The following ATP8B1 variants were observed in gnomAD, a reference collection of about 807,000 sequenced individuals.
ATP8B1 encodes the protein phospholipid-transporting ATPase IC.
A neutral mutation model predicts 149.9 loss-of-function variants in ATP8B1; 80 were observed. The ratio of observed to expected loss-of-function variants is 0.53; its 90% confidence interval spans 0.45 to 0.64. The LOEUF is 0.64. Among genes scored for constraint, ATP8B1 ranks in the 30% least tolerant of loss-of-function variants. The pLI, the probability that ATP8B1 is intolerant of heterozygous loss-of-function variation, is 0.00. For synonymous variants in ATP8B1, 536 were observed against 562.8 expected, an observed-to-expected ratio of 0.95 and a Z score of 0.67; for missense variants, 1,247 against 1,552.6, an observed-to-expected ratio of 0.80 and a Z score of 3.31.
At chr18:57,766,741 G>T (rs906442799) in intron 1 of ATP8B1, among the ~76,000 whole-genome samples, 5 of 152,170 alleles carry the variant, frequency 3.3e-5, no homozygotes, top group African/African-American at 1.2e-4. Context: ...AAGCTCTAGG[G>T]CAGGAGGAGG....
intron 1 of ATP8B1, among the ~76,000 whole-genome samples, chr18:57,745,764 C>T (rs992496332): frequency 5.3e-5 from 8 of 151,570 alleles, no homozygotes; most frequent in Non-Finnish European, 1.2e-4. Context: ...TTCAGTGATC[C>T]TCCCACCTCA....
At chr18:57,759,174 A>C (rs1485863921) in intron 1 of ATP8B1, among the ~76,000 whole-genome samples, 1 of 116,724 alleles carries the variant, frequency 8.6e-6, no homozygotes, top group African/African-American at 2.9e-5. Flanking sequence ...AAAAAAAAAA[A>C]AAAAAAAAGA....
intron 6 of ATP8B1, among the ~76,000 whole-genome samples, chr18:57,698,918 T>C (rs1018348489): frequency 2.6e-5 from 4 of 152,242 alleles, no homozygotes; most frequent in African/African-American, 9.6e-5. Context: ...ATATGGATTT[T>C]ATTAGAATGA....
At chr18:57,750,157 C>G (rs1009244950) in intron 1 of ATP8B1, among the ~76,000 whole-genome samples, 4 of 152,122 alleles carry the variant, frequency 2.6e-5, no homozygotes, top group African/African-American at 7.2e-5. Context: ...GTACAAAAAT[C>G]GCTTGAACCT....
intron 2 of ATP8B1, among the ~76,000 whole-genome samples, chr18:57,715,198 C>T (rs1200378488): frequency 4.6e-5 from 7 of 151,984 alleles, no homozygotes; most frequent in African/African-American, 9.7e-5. Flanking sequence ...GCTGAAATTC[C>T]GGAGTTGAAA....
At chr18:57,662,941 A>G (rs916194837) in intron 20 of ATP8B1, among the ~76,000 whole-genome samples, 9 of 152,064 alleles carry the variant, frequency 5.9e-5, no homozygotes, top group Admixed American at 1.3e-4. Context: ...TTTTGTAGCA[A>G]TAGGGTTTTG....
chr18:57,765,888 C>T (rs73446905), intron 1 of ATP8B1, among the ~76,000 whole-genome samples: 32,551 of 150,212 alleles, frequency 0.22, 3,650 homozygotes, highest in Middle Eastern at 0.3. Flanking sequence ...AGGAGAATCG[C>T]TCGAACCCCG....
chr18:57,732,217 G>GTGTATATATGTA (rs2079783421), intron 1 of ATP8B1, among the ~76,000 whole-genome samples: 1 of 13,564 alleles, frequency 7.4e-5, no homozygotes, highest in African/African-American at 1.5e-4. Context: ...GTATATATGT[G>GTGTATATATGTA]TATATATGTA....
At chr18:57,688,183 G>T in intron 13 of ATP8B1, 116 bp downstream of exon 13, 1 of 1,143,260 alleles carries the variant, frequency 8.7e-7, no homozygotes, top group Admixed American at 1.7e-5. Context: ...CTAGCAGCAG[G>T]ACTCTGCATC....
intron 16 of ATP8B1, among the ~76,000 whole-genome samples, chr18:57,674,633 G>T (rs1023984078): frequency 6.6e-5 from 10 of 151,978 alleles, no homozygotes; most frequent in Middle Eastern, 3.2e-3. Context: ...TGATCCACCC[G>T]CCTCGGCCTC....
At chr18:57,683,226 C>T (rs897200768) in intron 15 of ATP8B1, among the ~76,000 whole-genome samples, 19 of 152,090 alleles carry the variant, frequency 1.2e-4, no homozygotes, top group African/African-American at 4.6e-4. Context: ...TTATGTATGC[C>T]GCACTGACTG....
In ATP8B1 at chr18:57,655,394, T is replaced by C; in HGVS notation, c.2731A>G (p.Ser911Gly). ...IKTAHIGVGI[S>G]GQEGMQAVMS... The stretch of plus-strand genomic sequence containing the variant: ...ACAGCTTGCATTCCTTCTTGTCCAC[T>C]TATTCCAACGCCAATGTGGGCAGCT... Residue 911 changes from serine to glycine, a missense_variant, in exon 23 of 28, where the codon AGT becomes GGT. Coordinates refer to ENST00000648908, the MANE Select transcript of ATP8B1 (RefSeq NM_001374385.1). The C allele has an allele frequency of 6.2e-7, 1 of 1,614,222 alleles. No individual in the cohort carries two copies. The highest frequency in any genetic ancestry group is 8.5e-7 in the Non-Finnish European group (1 of 1,180,044).
At chr18:57,739,450 T>C (rs1485470664) in intron 1 of ATP8B1, among the ~76,000 whole-genome samples, 12 of 152,208 alleles carry the variant, frequency 7.9e-5, no homozygotes, top group Non-Finnish European at 1.3e-4. Flanking sequence ...TAAACATGCA[T>C]TTGCTTTCAT....
intron 12 of ATP8B1, among the ~76,000 whole-genome samples, chr18:57,689,691 G>A (rs1357877750): frequency 6.6e-6 from 1 of 152,186 alleles, no homozygotes; most frequent in Non-Finnish European, 1.5e-5. Context: ...AATAAAGAGA[G>A]GCTCTATCAG....
chr18:57,669,278 T>C, intron 18 of ATP8B1, 40 bp downstream of exon 18: 1 of 1,555,512 alleles, frequency 6.4e-7, no homozygotes, highest in Non-Finnish European at 8.7e-7. Context: ...TCAATTCTGC[T>C]TAGAATATCA....
At chr18:57,687,206 A>G (rs892666657) in intron 13 of ATP8B1, among the ~76,000 whole-genome samples, 5 of 152,176 alleles carry the variant, frequency 3.3e-5, no homozygotes, top group Admixed American at 2.6e-4. Context: ...TCATCTTGCA[A>G]AATTGAAACT....
In ATP8B1 at chr18:57,648,438, TA is replaced by T. The variant is rs764181773; in HGVS notation, c.*49del. 8.8e-6 allele frequency: 14 copies of T among 1,592,628 alleles called. No individual in the cohort carries two copies. Among genetic ancestry groups the T allele is most frequent in the Non-Finnish European group, 1.1e-5 (13 of 1,163,682 alleles). ...CACACAAAGTCCTGAGAGTCTTTCA[TA>T]AAAAAATAGACGTGCTTTGTGGCCG... On this transcript the variant is annotated 3_prime_UTR_variant, in exon 28 of 28. Transcript: ENST00000648908.
intron 15 of ATP8B1, among the ~76,000 whole-genome samples, chr18:57,675,792 A>G (rs535681101): frequency 1.3e-5 from 2 of 152,224 alleles, no homozygotes; most frequent in African/African-American, 2.4e-5. Flanking sequence ...TGAAGCCTCA[A>G]TCTCCCCAGG....
intron 1 of ATP8B1, among the ~76,000 whole-genome samples, chr18:57,783,930 C>T (rs1463826216): frequency 3.3e-5 from 5 of 152,190 alleles, no homozygotes; most frequent in Non-Finnish European, 7.3e-5. Context: ...GGTGACAGAG[C>T]TGTTGTCATT....
Sources: gnomAD v4.1 joint callset for allele counts (sites outside exome capture counted in the v4.1 genomes callset) on GRCh38, gnomAD v4.1.1 for gene constraint, MANE v1.5 for transcripts, NCBI Gene and HGNC (gene_info 2026-07-23, HGNC 2026-07-21) for gene names.